Variants in ASCC3 observed in about 807,000 individuals in gnomAD.
The protein encoded by ASCC3 is ASC-1 complex subunit P200.
ASCC3 carries 158 observed loss-of-function variants against 256.3 expected under a neutral mutation model. The ratio of observed to expected loss-of-function variants is 0.62; its 90% CI spans 0.54 to 0.70. The LOEUF (loss-of-function observed/expected upper bound fraction) is 0.70. Among genes scored for constraint, ASCC3 ranks in the 30% least tolerant of loss-of-function variants. The pLI is 0.00. For missense variants in ASCC3, 2,259 were observed against 2,626.0 expected (o/e 0.86, Z 3.05); for synonymous variants, 948 against 883.4 (o/e 1.07, Z -1.30).
intron 16 of ASCC3, among the ~76,000 whole-genome samples, chr6:100,656,181 G>A (rs1415974411): frequency 2.0e-5 from 3 of 151,312 alleles, no homozygotes; most frequent in Admixed American, 1.3e-4. Flanking sequence ...CTACACTGCT[G>A]AAAAATGTAA....
In ASCC3 at chr6:100,867,899, C is replaced by G; in HGVS notation, c.90+9G>C. 6.3e-7 allele frequency: 1 copy of G among 1,598,744 alleles called. No individual in the cohort carries two copies. Among genetic ancestry groups the G allele is most frequent in the Non-Finnish European group, 8.6e-7 (1 of 1,166,478 alleles). On this transcript the variant is annotated intron_variant, in intron 2 of 41. Transcript: ENST00000369162. The stretch of plus-strand genomic sequence containing the variant: ...TAATGTTCAACATTTCTACCTTTAA[C>G]AAATCTACCTTTAAGTCAGCCACTT...
At chr6:100,579,034 G>C (rs1196259956) in intron 36 of ASCC3, among the ~76,000 whole-genome samples, 4 of 152,100 alleles carry the variant, frequency 2.6e-5, no homozygotes, top group African/African-American at 9.7e-5. Context: ...ACTGGTGTGA[G>C]ATGGTATCTC....
At chr6:100,703,450 T>G (rs1778435614) in intron 13 of ASCC3, among the ~76,000 whole-genome samples, 1 of 152,022 alleles carries the variant, frequency 6.6e-6, no homozygotes, top group African/African-American at 2.4e-5. Context: ...AGTCTTGCTC[T>G]TCTACTGGTC....
At chr6:100,605,812 T>C (rs1406832945) in intron 32 of ASCC3, 112 bp from the exon 33 acceptor site, 2 of 1,243,270 alleles carry the variant, frequency 1.6e-6, no homozygotes, top group Admixed American at 1.9e-5. Flanking sequence ...AAATAGAATA[T>C]TGTGATAATA....
intron 10 of ASCC3, among the ~76,000 whole-genome samples, chr6:100,749,665 C>CT (rs1209982647): frequency 6.6e-6 from 1 of 151,842 alleles, no homozygotes. Context: ...GGAATGCCCT[C>CT]TAATGTTCCG....
chr6:100,509,817 G>A, intron 41 of ASCC3, 115 bp downstream of exon 41: 6 of 1,067,464 alleles, frequency 5.6e-6, no homozygotes, highest in South Asian at 1.5e-5. Context: ...GAACCCGGGA[G>A]GCGGAGCTTG....
intron 10 of ASCC3, among the ~76,000 whole-genome samples, chr6:100,727,585 C>A (rs183113611): frequency 2.6e-5 from 4 of 151,902 alleles, no homozygotes; most frequent in East Asian, 1.9e-4. Context: ...AGGCAGATGA[C>A]CAGCTCCAGT....
chr6:100,874,869 AG>A (rs1310704206), intron 1 of ASCC3, among the ~76,000 whole-genome samples: 1 of 152,204 alleles, frequency 6.6e-6, no homozygotes, highest in Non-Finnish European at 1.5e-5. Flanking sequence ...TTATTACAAG[AG>A]GTAAACTATG....
chr6:100,541,432 C>T (rs116520748), intron 36 of ASCC3, among the ~76,000 whole-genome samples: 5 of 152,198 alleles, frequency 3.3e-5, no homozygotes, highest in African/African-American at 9.6e-5. Flanking sequence ...CTGCATGGAG[C>T]GTTACCACAC....
At chr6:100,599,141 A>G (rs893715285) in intron 34 of ASCC3, among the ~76,000 whole-genome samples, 1 of 152,236 alleles carries the variant, frequency 6.6e-6, no homozygotes, top group African/African-American at 2.4e-5. Context: ...CTTGATAGAC[A>G]GCAGATTATA....
intron 36 of ASCC3, among the ~76,000 whole-genome samples, chr6:100,582,498 G>A (rs1004880691): frequency 1.2e-3 from 175 of 151,762 alleles, no homozygotes; most frequent in African/African-American, 4.1e-3. Flanking sequence ...TGAGACAATG[G>A]GGTTTTCTAG....
At chr6:100,863,276 T>C (rs1045219217) in intron 3 of ASCC3, among the ~76,000 whole-genome samples, 1 of 152,194 alleles carries the variant, frequency 6.6e-6, no homozygotes, top group Non-Finnish European at 1.5e-5. Flanking sequence ...GTATACAATA[T>C]TGTAATTTCA....
intron 11 of ASCC3, among the ~76,000 whole-genome samples, chr6:100,718,996 G>C (rs73502970): frequency 0.013 from 1,916 of 152,088 alleles, 43 homozygotes; most frequent in African/African-American, 0.045. Flanking sequence ...CAGTCTAGGA[G>C]ACTCAATAGG....
chr6:100,706,174 C>T (rs965174081), intron 13 of ASCC3, among the ~76,000 whole-genome samples: 1 of 137,566 alleles, frequency 7.3e-6, no homozygotes. Context: ...GTTTATTGGG[C>T]TGTCAGTTTT....
At chr6:100,861,352 A>T (rs757185248) in intron 3 of ASCC3, among the ~76,000 whole-genome samples, 1 of 152,122 alleles carries the variant, frequency 6.6e-6, no homozygotes, top group African/African-American at 2.4e-5. Flanking sequence ...AGATTAAACA[A>T]TACGCATAGC....
At chr6:100,590,650 C>G (rs1004518084) in intron 34 of ASCC3, among the ~76,000 whole-genome samples, 1 of 152,056 alleles carries the variant, frequency 6.6e-6, no homozygotes, top group African/African-American at 2.4e-5. Flanking sequence ...AGAACCGGTT[C>G]TCATCCCTAA....
intron 29 of ASCC3, among the ~76,000 whole-genome samples, chr6:100,627,292 T>C (rs1044705124): frequency 6.6e-6 from 1 of 152,148 alleles, no homozygotes; most frequent in Non-Finnish European, 1.5e-5. Context: ...CCATTTCTCA[T>C]CTGTCCAAGC....
intron 4 of ASCC3, among the ~76,000 whole-genome samples, chr6:100,806,603 A>G (rs755483036): frequency 6.6e-6 from 1 of 151,974 alleles, no homozygotes; most frequent in Non-Finnish European, 1.5e-5. Context: ...GTTTAGAAAT[A>G]TAATGCTCTA....
At chr6:100,597,478 A>G (rs1194683852) in intron 34 of ASCC3, among the ~76,000 whole-genome samples, 1 of 152,160 alleles carries the variant, frequency 6.6e-6, no homozygotes, top group Non-Finnish European at 1.5e-5. Flanking sequence ...CTATCTTCCA[A>G]CAGAAAGTAA....
Sources: allele counts gnomAD v4.1 joint callset (sites outside exome capture counted in the v4.1 genomes callset), GRCh38; gene constraint gnomAD v4.1.1; transcripts MANE v1.5; gene names NCBI Gene and HGNC (gene_info 2026-07-23, HGNC 2026-07-21).